The following CFAP46 variants were observed in gnomAD, a reference collection of about 807,000 sequenced individuals.
CFAP46 encodes cilia- and flagella-associated protein 46.
CFAP46 carries 245 observed loss-of-function variants against 325.7 expected under a neutral mutation model. That is an observed-to-expected ratio of 0.75 (90% CI 0.68 to 0.84). The LOEUF is 0.84. Among genes scored for constraint, CFAP46 ranks in the 40% least tolerant of loss-of-function variants. The pLI, the probability that CFAP46 is intolerant of heterozygous loss-of-function variation, is 0.00. For missense variants in CFAP46, 3,346 were observed against 3,543.0 expected, an observed-to-expected ratio of 0.94 and a Z score of 1.41; for synonymous variants, 1,523 against 1,495.9, an observed-to-expected ratio of 1.02 and a Z score of -0.42.
In CFAP46 at chr10:132,908,584, C is replaced by T. The variant is rs1484923183; in HGVS notation, c.2808G>A (p.Leu936=). The change falls in exon 22 of 58, where the codon CTG becomes CTA. Residue 936 remains leucine, a synonymous_variant. Coordinates refer to ENST00000368586, the MANE Select transcript of CFAP46 (RefSeq NM_001200049.3). ...ECNWSDPLVE[L]QTLTRLTHFA... ...AGTGGGTCAGCCGCGTCAGGGTCTG[C>T]AGCTCCACCAGGGGGTCCGACCAGT... The T allele has an allele frequency of 6.5e-6, 10 of 1,549,792 alleles. No individual in the cohort carries two copies. Among genetic ancestry groups the T allele is most frequent in the Middle Eastern group, 1.7e-4 (1 of 5,986 alleles).
At position 132,919,170 on chromosome 10, in the gene CFAP46, G is replaced by T; in HGVS notation, c.1858+145C>A. On this transcript the variant is annotated intron_variant, in intron 15 of 57. Coordinates refer to ENST00000368586, the MANE Select transcript of CFAP46 (RefSeq NM_001200049.3). The surrounding 1 kb of genome is among the most constrained non-coding windows in gnomAD (Gnocchi z 9.7). ...CCATGATTGGCGGTCCTGATAATTAGTGGGAACTGCTACCATTGTGACTTA... is the reference window on the plus strand; with the variant it reads ...CCATGATTGGCGGTCCTGATAATTATTGGGAACTGCTACCATTGTGACTTA... The T allele has an allele frequency of 1.1e-6, 1 of 897,662 alleles. No homozygotes were observed. The highest frequency in any genetic ancestry group is 1.7e-5 in the African/African-American group (1 of 58,150). 55.6% of individuals were successfully genotyped at this position (897,662 alleles called of 1,614,324 possible).
chr10:132,868,400 C>T lies in CFAP46; in HGVS notation c.4610+874G>A, dbSNP rs185384488. Among the ~76,000 whole-genome samples the T allele has an allele frequency of 3.9e-5, 6 of 152,364 alleles. No homozygotes were observed. The East Asian group carries it at 9.6e-4, about 24-fold the overall frequency. ...ACCAGGTTCCTGGGACACTGCTCCA[C>T]GTCCCTTATACCAGGAGAGTGTGGA... On this transcript the variant is annotated intron_variant, in intron 33 of 57. Coordinates refer to ENST00000368586, the MANE Select transcript of CFAP46 (RefSeq NM_001200049.3).
chr10:132,938,623 C>T lies in CFAP46; in HGVS notation c.502G>A (p.Glu168Lys), dbSNP rs1850049539. 1.2e-6 allele frequency: 2 copies of T among 1,613,480 alleles called. No individual in the cohort carries two copies. The highest frequency in any genetic ancestry group is 1.3e-5 in the African/African-American group (1 of 74,918). ...TCAGCACGCCACTCCTTGTCTTCCT[C>T]CTCAGTCTGACTCAGCACGTTTATG... ...QIINVLSQTE[E>K]EDKEWRAELM... Residue 168 changes from glutamate (E) to lysine (K), a missense_variant, in exon 5 of 58, where the codon GAG (glutamate) becomes AAG (lysine). Glu to Lys is a moderately conservative substitution (Grantham distance 56). Transcript: ENST00000368586.
At chr10:132,864,677 AGACCTGCACACACCTGTCCCCC>A in intron 35 of CFAP46, among the ~76,000 whole-genome samples, 1 of 144,022 alleles carries the variant, frequency 6.9e-6, no homozygotes. Flanking sequence ...CCAGTGCCCG[AGACCTGCACACACCTGTCCCCC>A]TGCCTGAGAC....
chr10:132,924,108 C>T (rs1849769985), intron 11 of CFAP46, among the ~76,000 whole-genome samples: 1 of 152,090 alleles, frequency 6.6e-6, no homozygotes, highest in Admixed American at 6.5e-5. Flanking sequence ...ATTCTCCAGC[C>T]ACCCTGGGCC....
chr10:132,910,992 C>T (rs559211290), intron 19 of CFAP46, among the ~76,000 whole-genome samples: 8 of 152,316 alleles, frequency 5.3e-5, no homozygotes, highest in Admixed American at 3.9e-4. Context: ...GCTGCCAAGT[C>T]GGTGCTGGCA....
intron 50 of CFAP46, among the ~76,000 whole-genome samples, chr10:132,823,153 CTG>C (rs1301402174): frequency 1.8e-5 from 2 of 108,238 alleles, no homozygotes; most frequent in African/African-American, 3.8e-5. Context: ...CTGATGTGTG[CTG>C]TGTGAGTGAT....
intron 26 of CFAP46, 128 bp from the exon 27 acceptor site, chr10:132,885,414 A>G: frequency 1.2e-6 from 1 of 837,034 alleles, no homozygotes. Context: ...AGCCCAGGTG[A>G]GCGGGGGTCT....
At chr10:132,837,207 C>A in intron 44 of CFAP46, 1 of 420,770 alleles carries the variant, frequency 2.4e-6, no homozygotes, top group Non-Finnish European at 4.3e-6. Flanking sequence ...GTTCACCAAA[C>A]CCAAAATAAC....
chr10:132,924,722 A>C lies in CFAP46; in HGVS notation c.1230T>G (p.Val410=). 1.3e-6 allele frequency: 2 copies of C among 1,538,896 alleles called. No homozygotes were observed. The highest frequency in any genetic ancestry group is 2.4e-5 in the South Asian group (2 of 83,226). ...RHHLRKPLAG[V]ADVLEKLDSL... The stretch of plus-strand genomic sequence containing the variant: ...TGTCCAGCTTCTCCAGCACGTCCGC[A>C]ACGCCAGCCAGGGGCTTCCGCAGGT... Residue 410 remains valine (V), a synonymous_variant, in exon 11 of 58, where the codon GTT becomes GTG. Transcript: ENST00000368586.
rs756040573 is a variant in CFAP46, at chr10:132,850,358, C to T, written c.5838G>A (p.Val1946=). The change falls in exon 41 of 58, where the codon GTG becomes GTA. Residue 1946 remains valine, a synonymous_variant. Transcript: ENST00000368586. ...GCCGGGCGCGGATCTCCACACAGCC[C>T]ACGCTCAGCGGCTGCAGGCTCCCCA... ...AQLGSLQPLS[V]GCVEIRARLL... is the part of the protein sequence containing the mutation. The T allele has an allele frequency of 8.2e-5, 128 of 1,564,196 alleles. No homozygotes were observed. Among genetic ancestry groups the T allele is most frequent in the Non-Finnish European group, 1.1e-4 (122 of 1,154,228 alleles).
intron 10 of CFAP46, among the ~76,000 whole-genome samples, chr10:132,925,539 G>A (rs372330937): frequency 7.9e-5 from 12 of 152,390 alleles, no homozygotes; most frequent in South Asian, 2.1e-4. Context: ...AACCCACAGC[G>A]CCACAGCCAC....
At chr10:132,831,697 C>G (rs182476019) in intron 50 of CFAP46, among the ~76,000 whole-genome samples, 58 of 152,122 alleles carry the variant, frequency 3.8e-4, no homozygotes, top group Admixed American at 2.4e-3. Context: ...TGATATTTTT[C>G]TTTTAGTTGG....
Position 132,910,685 on chromosome 10 carries a change from T to C in CFAP46, c.2500-617A>G, listed in dbSNP as rs1849528629. ...CTGGCCACCGGGAGTGACCTCTTGCTAACCCAGGGATGTCCCATCTCTCGC... is the reference window on the plus strand; with the variant it reads ...CTGGCCACCGGGAGTGACCTCTTGCCAACCCAGGGATGTCCCATCTCTCGC... On this transcript the variant is annotated intron_variant, in intron 19 of 57. Coordinates refer to ENST00000368586, the MANE Select transcript of CFAP46 (RefSeq NM_001200049.3). Among the ~76,000 whole-genome samples the C allele has an allele frequency of 2.6e-5, 4 of 152,222 alleles. No individual in the cohort carries two copies. In the South Asian group the frequency reaches 8.3e-4, roughly 31 times the overall value.
chr10:132,835,192 C>T (rs942823412), intron 47 of CFAP46, 112 bp downstream of exon 47: 12 of 1,431,718 alleles, frequency 8.4e-6, no homozygotes, highest in Admixed American at 2.2e-5. Context: ...CCAAGCCCTT[C>T]AGCAGCCTGG....
At chr10:132,924,952 C>T in intron 10 of CFAP46, 66 bp from the exon 11 acceptor site, 2 of 1,313,606 alleles carry the variant, frequency 1.5e-6, no homozygotes, top group South Asian at 1.9e-5. Context: ...GGGGCGGCAC[C>T]TGCGTGCAGG....
At chr10:132,857,851 G>T in intron 38 of CFAP46, 63 bp from the exon 39 acceptor site, 3 of 1,307,126 alleles carry the variant, frequency 2.3e-6, no homozygotes, top group Non-Finnish European at 3.1e-6. Context: ...TGTTTAATAT[G>T]TCATTTTCTA....
At position 132,884,500 on chromosome 10, in the gene CFAP46, G is replaced by A. The variant is rs1849092785; in HGVS notation, c.3627+603C>T. 6.6e-6 allele frequency among the ~76,000 whole-genome samples: 1 copy of A among 152,104 alleles called. No individual in the cohort carries two copies. On this transcript the variant is annotated intron_variant, in intron 27 of 57. Transcript: ENST00000368586. This position sits in a 1 kb window ranked among gnomAD's most constrained non-coding sequence, Gnocchi z 5.4. ...AAAGGTTCATGCCTTTCACACCAGGGGCCTGGGATGCCTTTTCGTCCCCAA... is the reference window on the plus strand; with the variant it reads ...AAAGGTTCATGCCTTTCACACCAGGAGCCTGGGATGCCTTTTCGTCCCCAA...
chr10:132,837,097 G>C (rs961770689), intron 44 of CFAP46, 183 bp from the exon 45 acceptor site: 1 of 552,396 alleles, frequency 1.8e-6, no homozygotes, highest in Non-Finnish European at 3.2e-6. Context: ...CTGCCACCAG[G>C]GGGCAGCAGA....
Sources: allele counts gnomAD v4.1 joint callset (sites outside exome capture counted in the v4.1 genomes callset), GRCh38; gene constraint gnomAD v4.1.1; non-coding constraint Gnocchi (gnomAD v3.1); transcripts MANE v1.5; gene names NCBI Gene and HGNC (gene_info 2026-07-23, HGNC 2026-07-21).